PREX1: variants seen among roughly 807,000 people sequenced by gnomAD.
PREX1 encodes phosphatidylinositol 3,4,5-trisphosphate-dependent Rac exchanger 1 protein.
In PREX1, 41 loss-of-function variants were observed where a neutral mutation model predicts 198.3. The ratio of observed to expected loss-of-function variants is 0.21; its 90% confidence interval spans 0.16 to 0.27. The LOEUF (loss-of-function observed/expected upper bound fraction) is 0.27, where lower values mean the gene tolerates loss of function less well. Among genes scored for constraint, PREX1 ranks in the 10% least tolerant of loss-of-function variants. PREX1 has a pLI of 1.00. For synonymous variants in PREX1, 843 were observed against 887.2 expected, an observed-to-expected ratio of 0.95 and a Z score of 0.89; for missense variants, 1,620 against 2,200.7, an observed-to-expected ratio of 0.74 and a Z score of 5.28.
chr20:48,633,683 C>A (rs879882542), intron 33 of PREX1, among the ~76,000 whole-genome samples: 1 of 152,094 alleles, frequency 6.6e-6, no homozygotes, highest in Admixed American at 6.5e-5. Context: ...CTCTGAGAAC[C>A]CCTGCTTTCA....
In PREX1 at chr20:48,625,736, C is replaced by A; in HGVS notation, c.*149G>T. 1 of 993,614 alleles carries A rather than the reference C, an allele frequency of 1.0e-6. No homozygotes were observed. Among genetic ancestry groups the A allele is most frequent in the Non-Finnish European group, 1.4e-6 (1 of 702,174 alleles). 61.5% of individuals were successfully genotyped at this position (993,614 alleles called of 1,614,324 possible). A position where few individuals can be genotyped will look rare whatever the true frequency, so the allele number is the denominator to read the frequency against. ...ACAGCGAGGGTGGCCAGGCTTGTCC[C>A]GGAAGGAGGCAGGGAGGACGCTGGG... On this transcript the variant is annotated 3_prime_UTR_variant, in exon 40 of 40. Transcript: ENST00000371941.
intron 14 of PREX1, among the ~76,000 whole-genome samples, chr20:48,668,456 T>A (rs578056917): frequency 3.5e-4 from 53 of 152,138 alleles, no homozygotes; most frequent in Non-Finnish European, 7.6e-4. Flanking sequence ...TGCAGCCAGG[T>A]CAATGAGCTT....
the PREX1 span, among the ~76,000 whole-genome samples, chr20:48,867,392 A>G: frequency 6.6e-6 from 1 of 152,108 alleles, no homozygotes; most frequent in Admixed American, 6.5e-5. Flanking sequence ...CCAGAGTTAC[A>G]CCTTCGAGGG....
chr20:48,807,782 G>C (rs1242518040), intron 1 of PREX1, among the ~76,000 whole-genome samples: 1 of 152,178 alleles, frequency 6.6e-6, no homozygotes, highest in Non-Finnish European at 1.5e-5. Context: ...ACGACAGTAA[G>C]GGATGGAAGG....
chr20:48,700,477 T>C (rs1187322842), intron 7 of PREX1, among the ~76,000 whole-genome samples: 3 of 152,250 alleles, frequency 2.0e-5, no homozygotes, highest in Non-Finnish European at 4.4e-5. Flanking sequence ...ATAATTATAA[T>C]TGAATAAAAT....
chr20:48,629,812 TC>T (rs2089299795), intron 36 of PREX1, among the ~76,000 whole-genome samples, 191 bp from the exon 37 acceptor site: 1 of 152,066 alleles, frequency 6.6e-6, no homozygotes, highest in African/African-American at 2.4e-5. Flanking sequence ...CCTCTGTGGC[TC>T]CCCACTGCCC....
At chr20:48,814,579 C>G (rs1413282449) in intron 1 of PREX1, among the ~76,000 whole-genome samples, 2 of 152,128 alleles carry the variant, frequency 1.3e-5, no homozygotes. Context: ...GTGGTGGGGC[C>G]TGGACAGAAT....
In PREX1 at chr20:48,827,594, C is replaced by A; in HGVS notation, c.219+48G>T. On this transcript the variant is annotated intron_variant, in intron 1 of 39. Coordinates refer to ENST00000371941, the MANE Select transcript of PREX1 (RefSeq NM_020820.4). The surrounding 1 kb of genome is among the most constrained non-coding windows in gnomAD (Gnocchi z 4.1). ...ACAGGTTGTGGGGACCGCAGCGGGGCGAGCGGCTGGAGGGAAAGCTGTCCC... is the reference window on the plus strand; with the variant it reads ...ACAGGTTGTGGGGACCGCAGCGGGGAGAGCGGCTGGAGGGAAAGCTGTCCC... 8.4e-7 allele frequency: 1 copy of A among 1,193,050 alleles called. No individual in the cohort carries two copies. The allele number at this position is 1,193,050 out of a possible 1,614,324, so 73.9% of individuals were successfully genotyped here.
At chr20:48,736,222 T>G (rs1325360449) in intron 3 of PREX1, among the ~76,000 whole-genome samples, 1 of 151,918 alleles carries the variant, frequency 6.6e-6, no homozygotes, top group Non-Finnish European at 1.5e-5. Context: ...ATAAACACAA[T>G]CGACAAACAT....
intron 16 of PREX1, among the ~76,000 whole-genome samples, chr20:48,659,242 A>AAGGG (rs2089570486): frequency 7.1e-6 from 1 of 140,146 alleles, no homozygotes; most frequent in Admixed American, 7.2e-5. Flanking sequence ...AAAAGGAAGG[A>AAGGG]AGGAAGGAAG....
chr20:48,801,726 C>G (rs896205961), intron 1 of PREX1, among the ~76,000 whole-genome samples: 1 of 152,196 alleles, frequency 6.6e-6, no homozygotes, highest in African/African-American at 2.4e-5. Context: ...TTTGTCCCCA[C>G]CAAAACTCAT....
upstream of PREX1, among the ~76,000 whole-genome samples, chr20:48,831,842 C>T (rs1199470911): frequency 2.0e-5 from 3 of 152,154 alleles, no homozygotes; most frequent in Non-Finnish European, 2.9e-5. Flanking sequence ...TCAGCCTTGG[C>T]GGGATCAGTG....
the PREX1 span, among the ~76,000 whole-genome samples, chr20:48,851,382 T>C: frequency 1.3e-5 from 2 of 152,058 alleles, no homozygotes; most frequent in Non-Finnish European, 2.9e-5. Context: ...TGGCAGGTGC[T>C]TGTAATCCCA....
intron 11 of PREX1, 34 bp downstream of exon 11, chr20:48,681,201 C>T (rs1401324797): frequency 6.3e-7 from 1 of 1,586,584 alleles, no homozygotes; most frequent in Non-Finnish European, 8.6e-7. Context: ...CTGTTCCCAC[C>T]CCTTGGCCCA....
chr20:48,747,791 C>T lies in PREX1; in HGVS notation c.291+18G>A. 6.2e-7 allele frequency: 1 copy of T among 1,606,718 alleles called. No homozygotes were observed. Among genetic ancestry groups the T allele is most frequent in the South Asian group, 1.1e-5 (1 of 90,352 alleles). ...AACACAGATGCTCTAGAACAGGGGC[C>T]AGCCCCAGCGTCCACACCTTGACAT... On this transcript the variant is annotated intron_variant, in intron 2 of 39. Coordinates refer to ENST00000371941, the MANE Select transcript of PREX1 (RefSeq NM_020820.4).
At chr20:48,718,763 A>G (rs140660867) in intron 5 of PREX1, among the ~76,000 whole-genome samples, 42 of 152,360 alleles carry the variant, frequency 2.8e-4, no homozygotes, top group Middle Eastern at 3.4e-3. Flanking sequence ...ACAGACGTTG[A>G]AACAATAAAA....
intron 15 of PREX1, among the ~76,000 whole-genome samples, chr20:48,665,206 G>A (rs1286417610): frequency 6.9e-6 from 1 of 145,512 alleles, no homozygotes; most frequent in South Asian, 2.2e-4. Flanking sequence ...TTCTAATCCT[G>A]CCCCAGACGG....
At chr20:48,719,008 C>CA (rs1437948859) in intron 5 of PREX1, among the ~76,000 whole-genome samples, 1 of 152,202 alleles carries the variant, frequency 6.6e-6, no homozygotes, top group Non-Finnish European at 1.5e-5. Context: ...CAGTAGTATG[C>CA]AAAATGCTTT....
rs958071331 is a variant in PREX1, at chr20:48,688,819, G to A, written c.1187-15C>T. ...CAGCTTCAGGCCTACACAGGGGCAC[G>A]GTCAGCACTGGAGAGAGCACCAGGC... On this transcript the variant is annotated splice_polypyrimidine_tract_variant and intron_variant, in intron 9 of 39. Coordinates refer to ENST00000371941, the MANE Select transcript of PREX1 (RefSeq NM_020820.4). The A allele has an allele frequency of 1.5e-5, 24 of 1,613,752 alleles. No individual in the cohort carries two copies. Among genetic ancestry groups the A allele is most frequent in the African/African-American group, 1.2e-4 (9 of 74,912 alleles).
Sources: allele counts gnomAD v4.1 joint callset (sites outside exome capture counted in the v4.1 genomes callset), GRCh38; gene constraint gnomAD v4.1.1; non-coding constraint Gnocchi (gnomAD v3.1); transcripts MANE v1.5; gene names NCBI Gene and HGNC (gene_info 2026-07-23, HGNC 2026-07-21).